SH3BP4: variants seen among roughly 807,000 people sequenced by gnomAD.
The protein encoded by SH3BP4 is SH3 domain-binding protein 4.
In SH3BP4, 33 loss-of-function variants were observed where a neutral mutation model predicts 65.5. The observed-to-expected ratio is 0.50, with a 90% CI of 0.38 to 0.67. SH3BP4 has a LOEUF of 0.67. SH3BP4 is among the 30% of genes least tolerant of loss of function. The probability of loss-of-function intolerance (pLI) is 0.00; values close to 1 mark genes in which losing one functional copy is unlikely to be tolerated. For missense variants in SH3BP4, 1,134 were observed against 1,261.4 expected, an observed-to-expected ratio of 0.90 and a Z score of 1.53; for synonymous variants, 552 against 545.5, an observed-to-expected ratio of 1.01 and a Z score of -0.17.
rs750898287 is a variant in SH3BP4 at position 235,042,177 on chromosome 2, A to G, written c.1408A>G (p.Ile470Val). ...ILYPSTVWDF[I>V]NKKVTVGLYG... Reference sequence around the variant, plus strand: ...CTACCCTTCCACCGTGTGGGACTTCATCAATAAAAAAGTCACAGTGGGTCT... The same window carrying G: ...CTACCCTTCCACCGTGTGGGACTTCGTCAATAAAAAAGTCACAGTGGGTCT... Residue 470 changes from isoleucine to valine, a missense_variant, in exon 4 of 6, where the codon ATC becomes GTC. By Grantham distance (29) the Ile-to-Val change is conservative (BLOSUM62 3). Coordinates refer to ENST00000392011, the MANE Select transcript of SH3BP4 (RefSeq NM_014521.3). The surrounding 1 kb of genome is among the most constrained non-coding windows in gnomAD (Gnocchi z 7.3). 1.2e-6 allele frequency: 2 copies of G among 1,613,996 alleles called. No individual in the cohort carries two copies. Among genetic ancestry groups the G allele is most frequent in the Admixed American group, 1.7e-5 (1 of 60,004 alleles).
chr2:235,006,815 G>T (rs1446045477), intron 2 of SH3BP4, among the ~76,000 whole-genome samples: 1 of 152,178 alleles, frequency 6.6e-6, no homozygotes, highest in Non-Finnish European at 1.5e-5. Flanking sequence ...AGAGGGGCTG[G>T]GTTAGGGGAG....
chr2:235,048,000 G>T, intron 4 of SH3BP4, among the ~76,000 whole-genome samples: 1 of 152,212 alleles, frequency 6.6e-6, no homozygotes, highest in East Asian at 1.9e-4. Flanking sequence ...AAGCTAGCAA[G>T]TGCATGGGGC....
At chr2:235,008,346 C>T (rs1694369127) in intron 2 of SH3BP4, among the ~76,000 whole-genome samples, 1 of 152,194 alleles carries the variant, frequency 6.6e-6, no homozygotes, top group African/African-American at 2.4e-5. Context: ...GAGCTCTGGG[C>T]TGCAGCCTCC....
chr2:235,019,859 A>T (rs2106307859), intron 2 of SH3BP4, among the ~76,000 whole-genome samples: 1 of 141,694 alleles, frequency 7.1e-6, no homozygotes, highest in East Asian at 2.1e-4. Context: ...CCCAAACTAT[A>T]CTCTAAAGAT....
intron 4 of SH3BP4, among the ~76,000 whole-genome samples, chr2:235,048,811 A>C (rs932035664): frequency 6.6e-6 from 1 of 152,228 alleles, no homozygotes; most frequent in Non-Finnish European, 1.5e-5. Flanking sequence ...TATAAAGTTC[A>C]GTCACCCTGA....
At chr2:234,990,548 G>A (rs744615) in intron 1 of SH3BP4, among the ~76,000 whole-genome samples, 1,575 of 152,292 alleles carry the variant, frequency 0.01, 38 homozygotes, top group African/African-American at 0.036. Flanking sequence ...GAACTCATGC[G>A]GGTCTGGCCC....
rs569388067 is a variant in SH3BP4 at position 235,052,858 on chromosome 2, G to A, written c.2667+108G>A. ...CTTGCCTCGCGGCATTTCTGTGAGGGTGCAACAGGTGGAAATGTGCACGCA... is the reference window on the plus strand; with the variant it reads ...CTTGCCTCGCGGCATTTCTGTGAGGATGCAACAGGTGGAAATGTGCACGCA... On this transcript the variant is annotated intron_variant, in intron 5 of 5. Transcript: ENST00000392011. The surrounding 1 kb of genome is among the most constrained non-coding windows in gnomAD (Gnocchi z 5.0). The A allele has an allele frequency of 8.6e-5, 92 of 1,073,244 alleles. No individual in the cohort carries two copies. The Admixed American group carries it at 1.1e-3, about 12-fold the overall frequency. The allele number at this position is 1,073,244 out of a possible 1,614,324, so 66.5% of individuals were successfully genotyped here.
At position 235,052,366 on chromosome 2, in the gene SH3BP4, C is replaced by T. The variant is rs6739888; in HGVS notation, c.2479-196C>T. 0.49 allele frequency among the ~76,000 whole-genome samples: 74,081 copies of T among 151,970 alleles called. 18,671 individuals carry two copies. The highest frequency in any genetic ancestry group is 0.64 in the East Asian group (3,274 of 5,144). On this transcript the variant is annotated intron_variant, in intron 4 of 5. Transcript: ENST00000392011. This position sits in a 1 kb window ranked among gnomAD's most constrained non-coding sequence, Gnocchi z 5.0. The stretch of plus-strand genomic sequence containing the variant: ...TGGAGGGAGACACTGGTGAACCTGG[C>T]ACGCTCTGCACATCATCTCTTTTCT...
chr2:235,043,189 A>T lies in SH3BP4; in HGVS notation c.2420A>T (p.Glu807Val). 3.1e-6 allele frequency: 5 copies of T among 1,607,964 alleles called. No individual in the cohort carries two copies. The highest frequency in any genetic ancestry group is 4.3e-6 in the Non-Finnish European group (5 of 1,176,174). The change falls in exon 4 of 6, where the codon GAG (glutamate) becomes GTG (valine). Residue 807 changes from glutamate (E) to valine (V), a missense_variant. Physicochemically the swap from Glu to Val is moderately radical, Grantham distance 121. Transcript: ENST00000392011. ...RVASVLEKLK[E>V]DCNNTENKER... ...GCGTCCGTCCTAGAAAAGCTGAAGG[A>T]GGACTGTAACAACACTGAGAACAAA...
At chr2:234,963,153 G>T (rs1247286576) in intron 1 of SH3BP4, among the ~76,000 whole-genome samples, 2 of 152,152 alleles carry the variant, frequency 1.3e-5, no homozygotes, top group Non-Finnish European at 2.9e-5. Context: ...GTTTGTATAG[G>T]TACAGGTACA....
intron 2 of SH3BP4, among the ~76,000 whole-genome samples, chr2:235,016,434 T>C (rs1416116183): frequency 6.6e-6 from 1 of 152,210 alleles, no homozygotes. Context: ...TGTCTGGTGA[T>C]GCTGAATGCT....
chr2:235,022,525 A>G (rs1694875645), intron 2 of SH3BP4, among the ~76,000 whole-genome samples: 1 of 152,188 alleles, frequency 6.6e-6, no homozygotes, highest in African/African-American at 2.4e-5. Context: ...TGTCTCCAAA[A>G]AAAAAAAGTA....
intron 2 of SH3BP4, among the ~76,000 whole-genome samples, chr2:235,017,863 A>G (rs1352558533): frequency 6.6e-6 from 1 of 152,174 alleles, no homozygotes; most frequent in African/African-American, 2.4e-5. Context: ...AATGGTTGAT[A>G]TTCAACCAGT....
intron 1 of SH3BP4, among the ~76,000 whole-genome samples, chr2:234,983,469 CA>C (rs1693454219): frequency 6.6e-6 from 1 of 152,090 alleles, no homozygotes; most frequent in Non-Finnish European, 1.5e-5. Flanking sequence ...TGGACGAGAC[CA>C]GGGGAGGGAG....
At chr2:235,031,220 A>T (rs1695193166) in intron 2 of SH3BP4, among the ~76,000 whole-genome samples, 1 of 151,746 alleles carries the variant, frequency 6.6e-6, no homozygotes, top group Admixed American at 6.6e-5. Flanking sequence ...ACAGTTGTTG[A>T]CTCGTCTTCC....
At chr2:234,986,560 C>T (rs1184880424) in intron 1 of SH3BP4, among the ~76,000 whole-genome samples, 1 of 152,130 alleles carries the variant, frequency 6.6e-6, no homozygotes, top group Non-Finnish European at 1.5e-5. Flanking sequence ...CCTGTGTGGT[C>T]TTGGGATTGT....
intron 1 of SH3BP4, among the ~76,000 whole-genome samples, chr2:234,955,264 A>G (rs1156466704): frequency 6.6e-6 from 1 of 152,112 alleles, no homozygotes; most frequent in African/African-American, 2.4e-5. Flanking sequence ...GCCTCAGGCC[A>G]AGCAACGTTT....
intron 2 of SH3BP4, among the ~76,000 whole-genome samples, chr2:234,996,185 G>A (rs1158567519): frequency 2.0e-5 from 3 of 152,184 alleles, no homozygotes; most frequent in African/African-American, 4.8e-5. Flanking sequence ...TAAACGCTAC[G>A]TTTGGATGCT....
At chr2:234,975,502 T>C (rs924076866) in intron 1 of SH3BP4, among the ~76,000 whole-genome samples, 2 of 152,174 alleles carry the variant, frequency 1.3e-5, no homozygotes, top group African/African-American at 4.8e-5. Flanking sequence ...AGACAAGCAC[T>C]GTAAGTGGCT....
Sources: gnomAD v4.1 joint callset for allele counts (sites outside exome capture counted in the v4.1 genomes callset) on GRCh38, gnomAD v4.1.1 for gene constraint, Gnocchi (gnomAD v3.1) non-coding constraint, MANE v1.5 for transcripts, NCBI Gene and HGNC (gene_info 2026-07-23, HGNC 2026-07-21) for gene names.